HLA-DQA1: variants seen among roughly 807,000 people sequenced by gnomAD.
The protein encoded by HLA-DQA1 is HLA class II histocompatibility antigen, DQ alpha 1 chain.
A neutral mutation model predicts 20.7 loss-of-function variants in HLA-DQA1; 10 were observed. The ratio of observed to expected loss-of-function variants is 0.48; its 90% confidence interval spans 0.30 to 0.82. The LOEUF is 0.82. HLA-DQA1 is among the 40% of genes least tolerant of loss of function. The pLI, the probability that HLA-DQA1 is intolerant of heterozygous loss-of-function variation, is 0.07. For missense variants in HLA-DQA1, 127 were observed against 293.0 expected (o/e 0.43, Z 4.14); for synonymous variants, 39 against 109.2 (o/e 0.36, Z 4.01).
chr6:32,651,441 G>A (rs28651573), downstream of HLA-DQA1, among the ~76,000 whole-genome samples: 54,118 of 81,884 alleles, frequency 0.66, 24,067 homozygotes, highest in South Asian at 0.83. Context: ...AAAATTAGCC[G>A]GGCATGGTGG....
intron 1 of HLA-DQA1, among the ~76,000 whole-genome samples, chr6:32,638,127 A>T (rs116178934): frequency 0.018 from 2,257 of 123,906 alleles, 37 homozygotes; most frequent in East Asian, 0.034. Flanking sequence ...GCTGCCTCAT[A>T]TGTGTCACCT....
At chr6:32,641,729 G>C (rs9272724) in intron 2 of HLA-DQA1, among the ~76,000 whole-genome samples, 171 bp downstream of exon 2, 16,292 of 96,054 alleles carry the variant, frequency 0.17, 2,140 homozygotes, top group Middle Eastern at 0.3. Flanking sequence ...TTTCCATTAT[G>C]CATTCAGCAA....
At chr6:32,638,220 T>C (rs146080923) in intron 1 of HLA-DQA1, among the ~76,000 whole-genome samples, 689 of 103,276 alleles carry the variant, frequency 6.7e-3, no homozygotes, top group East Asian at 0.012. Flanking sequence ...TACATATTTC[T>C]ATTACAGATA....
At chr6:32,638,497 C>T (rs113219465) in intron 1 of HLA-DQA1, among the ~76,000 whole-genome samples, 3,010 of 95,912 alleles carry the variant, frequency 0.031, 819 homozygotes, top group Middle Eastern at 0.12. Flanking sequence ...CATAGCAAGA[C>T]CTCATCTCTA....
chr6:32,652,699 G>A, the HLA-DQA1 span, among the ~76,000 whole-genome samples: 1 of 125,182 alleles, frequency 8.0e-6, no homozygotes, highest in African/African-American at 2.9e-5. Flanking sequence ...TTGTCAAGTG[G>A]AAGCATAAAG....
downstream of HLA-DQA1, chr6:32,646,492 T>C (rs9273259): frequency 2.5e-5 from 2 of 80,314 alleles, 1 homozygote; most frequent in African/African-American, 8.5e-5. Flanking sequence ...AGGAGTTCAA[T>C]ACTTCAGTGG....
intron 1 of HLA-DQA1, among the ~76,000 whole-genome samples, chr6:32,638,590 C>G (rs9272510): frequency 0.087 from 6,987 of 80,328 alleles, 970 homozygotes; most frequent in East Asian, 0.18. Context: ...CGTGGGAGGA[C>G]CACTTGAGTC....
chr6:32,652,870 G>C, the HLA-DQA1 span, among the ~76,000 whole-genome samples: 1 of 128,436 alleles, frequency 7.8e-6, no homozygotes, highest in Non-Finnish European at 1.7e-5. Flanking sequence ...ATTAAAGCAG[G>C]GTTTTAGAAA....
the HLA-DQA1 span, among the ~76,000 whole-genome samples, chr6:32,652,886 T>C: frequency 0.56 from 81,889 of 145,902 alleles, 24,010 homozygotes; most frequent in Middle Eastern, 0.69. Context: ...AGAAACTGTA[T>C]TATTATTCAG....
In HLA-DQA1 at chr6:32,643,261, A is replaced by T. The variant is rs1781622731; in HGVS notation, c.*330A>T. On this transcript the variant is annotated 3_prime_UTR_variant, in exon 5 of 5. Coordinates refer to ENST00000343139, the MANE Select transcript of HLA-DQA1 (RefSeq NM_002122.5). ...GGAAGCAATAAATTCCTTTTATGAG[A>T]TCTATGTCAAATTTTTCCATCTTTC... The T allele has an allele frequency of 3.1e-6, 1 of 318,330 alleles. No homozygotes were observed. Among genetic ancestry groups the T allele is most frequent in the African/African-American group, 2.3e-5 (1 of 43,024 alleles). 19.7% of individuals were successfully genotyped at this position (318,330 alleles called of 1,614,324 possible).
the HLA-DQA1 span, among the ~76,000 whole-genome samples, chr6:32,654,905 T>C: frequency 1.2e-4 from 11 of 94,058 alleles, 4 homozygotes; most frequent in Non-Finnish European, 1.6e-4. Context: ...TGGTAGTGCA[T>C]GCCTGTAGTC....
chr6:32,642,611 G>A lies in HLA-DQA1; in HGVS notation c.615G>A (p.Glu205=), dbSNP rs1781527399. The change falls in exon 4 of 5, where the codon GAG becomes GAA. Residue 205 remains glutamate, a splice_region_variant and synonymous_variant. Transcript: ENST00000343139. Reference sequence around the variant, plus strand: ...ACCTCAACAACTTCACTTCCACAGAGCCTGAGATTCCAGCCCCTATGTCAG... The same window carrying A: ...ACCTCAACAACTTCACTTCCACAGAACCTGAGATTCCAGCCCCTATGTCAG... The part of the protein sequence containing the change: ...GLDQPLLKHW[E]PEIPAPMSEL... The A allele has an allele frequency of 2.9e-6, 4 of 1,371,562 alleles. No individual in the cohort carries two copies. The highest frequency in any genetic ancestry group is 4.0e-6 in the Non-Finnish European group (4 of 993,232). 85.0% of individuals were successfully genotyped at this position (1,371,562 alleles called of 1,614,324 possible).
At chr6:32,644,037 G>GCCGATAAAAAAACAATA (rs9282046), downstream of HLA-DQA1, 43,839 of 150,564 alleles carry the variant, frequency 0.29, 6,814 homozygotes, top group Middle Eastern at 0.47. Context: ...TTGGAAACAT[G>GCCGATAAAAAAACAATA]CCAATATCTT....
intron 1 of HLA-DQA1, among the ~76,000 whole-genome samples, chr6:32,640,208 A>C (rs28383402): frequency 1.1e-5 from 1 of 93,570 alleles, no homozygotes; most frequent in Admixed American, 1.3e-4. Flanking sequence ...TATCCTCCTC[A>C]GAGAACTTAC....
At chr6:32,640,319 G>T (rs9272629) in intron 1 of HLA-DQA1, among the ~76,000 whole-genome samples, 3,891 of 69,356 alleles carry the variant, frequency 0.056, 355 homozygotes, top group Middle Eastern at 0.14. Flanking sequence ...ACACATCTCC[G>T]GCTATGTCTG....
Position 32,640,906 on chromosome 6 carries a change from T to A in HLA-DQA1, c.83-404T>A, listed in dbSNP as rs6930069. ...GTATAATCAATTTGTTATTAACCAA[T>A]GAAAGAATTAAGTGAAAGATAAATC... On this transcript the variant is annotated intron_variant, in intron 1 of 4. Coordinates refer to ENST00000343139, the MANE Select transcript of HLA-DQA1 (RefSeq NM_002122.5). 1.9e-5 allele frequency among the ~76,000 whole-genome samples: 2 copies of A among 105,062 alleles called. 1 individual carries two copies. Among genetic ancestry groups the A allele is most frequent in the Non-Finnish European group, 4.2e-5 (2 of 47,916 alleles). 68.9% of individuals were successfully genotyped at this position (105,062 alleles called of 152,430 possible).
the HLA-DQA1 span, among the ~76,000 whole-genome samples, chr6:32,652,759 C>T: frequency 1.4e-5 from 2 of 146,092 alleles, no homozygotes; most frequent in African/African-American, 2.5e-5. Context: ...TCTTCTAAGA[C>T]GGAGGAAAGA....
chr6:32,643,792 GAATAAGACAA>G (rs2150974890), downstream of HLA-DQA1: 1 of 152,310 alleles, frequency 6.6e-6, no homozygotes, highest in Admixed American at 6.6e-5. Flanking sequence ...AAAAACATTA[GAATAAGACAA>G]TAATGTGGGT....
At chr6:32,640,696 G>A (rs28383415) in intron 1 of HLA-DQA1, among the ~76,000 whole-genome samples, 12,145 of 93,526 alleles carry the variant, frequency 0.13, 1,323 homozygotes, top group East Asian at 0.17. Context: ...AGGAGGCATT[G>A]TTTATTTATT....
Sources: allele counts gnomAD v4.1 joint callset (sites outside exome capture counted in the v4.1 genomes callset), GRCh38; gene constraint gnomAD v4.1.1; transcripts MANE v1.5; gene names NCBI Gene and HGNC (gene_info 2026-07-23, HGNC 2026-07-21).